CRACD: variants seen among roughly 807,000 people sequenced by gnomAD.
The protein encoded by CRACD is capping protein inhibiting regulator of actin dynamics.
A neutral mutation model predicts 106.8 loss-of-function variants in CRACD; 56 were observed. The observed-to-expected ratio is 0.52, with a 90% CI of 0.42 to 0.66. The LOEUF (loss-of-function observed/expected upper bound fraction) is 0.66. Ranked by LOEUF, CRACD falls within the 30% of genes least tolerant of loss-of-function variation. The probability of loss-of-function intolerance (pLI) is 0.00; values close to 1 mark genes in which losing one functional copy is unlikely to be tolerated. For synonymous variants in CRACD, 754 were observed against 670.8 expected, an observed-to-expected ratio of 1.12 and a Z score of -1.92; for missense variants, 1,730 against 1,623.2, an observed-to-expected ratio of 1.07 and a Z score of -1.13.
intron 1 of CRACD, among the ~76,000 whole-genome samples, chr4:56,146,964 T>C (rs1394839527): frequency 1.3e-5 from 2 of 151,634 alleles, no homozygotes; most frequent in African/African-American, 2.4e-5. Context: ...AGCGAAGGGG[T>C]TTAAGAAAGA....
At chr4:56,187,071 A>G (rs796219820) in intron 2 of CRACD, among the ~76,000 whole-genome samples, 3 of 146,284 alleles carry the variant, frequency 2.1e-5, no homozygotes, top group African/African-American at 7.5e-5. Flanking sequence ...CCTATCCAAG[A>G]AAAAAAAAAA....
chr4:56,201,450 T>G (rs1737875297), intron 2 of CRACD, among the ~76,000 whole-genome samples: 1 of 152,178 alleles, frequency 6.6e-6, no homozygotes, highest in Admixed American at 6.5e-5. Flanking sequence ...GCTCTTCCCT[T>G]AAACTGAGGG....
chr4:56,291,023 T>C (rs1743674046), intron 3 of CRACD, among the ~76,000 whole-genome samples: 1 of 152,236 alleles, frequency 6.6e-6, no homozygotes, highest in Non-Finnish European at 1.5e-5. Flanking sequence ...TAAATGACTA[T>C]ATTGACAATC....
At chr4:56,149,631 G>A (rs1340800399) in intron 1 of CRACD, among the ~76,000 whole-genome samples, 2 of 152,178 alleles carry the variant, frequency 1.3e-5, no homozygotes, top group East Asian at 3.8e-4. Flanking sequence ...AATTAAAAGC[G>A]ATGATTTTTG....
chr4:56,279,885 A>C (rs1433810861), intron 3 of CRACD, among the ~76,000 whole-genome samples: 1 of 152,156 alleles, frequency 6.6e-6, no homozygotes, highest in Non-Finnish European at 1.5e-5. Flanking sequence ...AAAGACTTGG[A>C]ACCAAGCCAA....
chr4:56,071,494 T>C (rs942431907), intron 1 of CRACD, among the ~76,000 whole-genome samples: 2 of 150,406 alleles, frequency 1.3e-5, no homozygotes, highest in Non-Finnish European at 3.0e-5. Context: ...ACAGGTTGTA[T>C]TTCTTTCTTT....
chr4:56,310,798 C>CCTTTTTTTTT (rs1553919758), intron 6 of CRACD, 64 bp downstream of exon 6: 1 of 753,820 alleles, frequency 1.3e-6, no homozygotes, highest in Non-Finnish European at 2.0e-6. Context: ...TTCCCCCCCC[C>CCTTTTTTTTT]TTTTTTTTTT....
At chr4:56,269,988 G>A (rs1016474523) in intron 2 of CRACD, among the ~76,000 whole-genome samples, 9 of 152,172 alleles carry the variant, frequency 5.9e-5, no homozygotes, top group Admixed American at 2.0e-4. Flanking sequence ...AGCACAATGC[G>A]TATGTATAGC....
Position 56,192,307 on chromosome 4 carries a change from G to T in CRACD, c.-189+12877G>T, listed in dbSNP as rs577349510. Among the ~76,000 whole-genome samples the T allele has an allele frequency of 3.9e-5, 6 of 152,068 alleles. No individual in the cohort carries two copies. In the East Asian group the frequency reaches 1.2e-3, roughly 29 times the overall value. ...CTAGAGAGGCTGAGGTGGAAGAGTT[G>T]TTTGGACCCGGGAGGCAGAAGTTGC... On this transcript the variant is annotated intron_variant, in intron 2 of 10. Transcript: ENST00000682029.
chr4:56,161,455 A>T (rs1408376953), intron 1 of CRACD, among the ~76,000 whole-genome samples: 3 of 150,118 alleles, frequency 2.0e-5, no homozygotes, highest in Non-Finnish European at 1.5e-5. Context: ...TAAACTCTTA[A>T]TTTTTTTTTT....
At chr4:56,214,405 C>T (rs924335615) in intron 2 of CRACD, among the ~76,000 whole-genome samples, 10 of 151,570 alleles carry the variant, frequency 6.6e-5, no homozygotes, top group East Asian at 5.9e-4. Flanking sequence ...CCATCCTGGC[C>T]AACATGGTGA....
At chr4:56,158,238 T>C (rs983580736) in intron 1 of CRACD, among the ~76,000 whole-genome samples, 5 of 152,238 alleles carry the variant, frequency 3.3e-5, no homozygotes, top group Non-Finnish European at 7.3e-5. Flanking sequence ...CCTGTGGTTC[T>C]GATGTATATA....
intron 2 of CRACD, among the ~76,000 whole-genome samples, chr4:56,210,401 C>G (rs1048540324): frequency 6.6e-6 from 1 of 152,130 alleles, no homozygotes; most frequent in African/African-American, 2.4e-5. Context: ...ATAACAGACA[C>G]ATAGACAGAA....
At chr4:56,306,093 A>AC (rs1744674913) in intron 4 of CRACD, among the ~76,000 whole-genome samples, 1 of 152,024 alleles carries the variant, frequency 6.6e-6, no homozygotes, top group South Asian at 2.1e-4. Flanking sequence ...TGGGCCAGTC[A>AC]CCTCTCTCCA....
intron 1 of CRACD, among the ~76,000 whole-genome samples, chr4:56,113,897 T>G (rs996211674): frequency 2.0e-5 from 3 of 152,142 alleles, no homozygotes; most frequent in Non-Finnish European, 2.9e-5. Flanking sequence ...AGCTTTCTTG[T>G]ATACATAAAA....
At chr4:56,188,686 T>TCTCTCTCACA (rs1553908658) in intron 2 of CRACD, among the ~76,000 whole-genome samples, 20 of 92,204 alleles carry the variant, frequency 2.2e-4, no homozygotes, top group African/African-American at 9.3e-4. Context: ...TCTCTCTCTC[T>TCTCTCTCACA]CACACACACA....
At chr4:56,125,983 G>T (rs1014208681) in intron 1 of CRACD, among the ~76,000 whole-genome samples, 5 of 151,748 alleles carry the variant, frequency 3.3e-5, no homozygotes, top group Non-Finnish European at 1.5e-5. Flanking sequence ...TCTTGGCCAG[G>T]CTGGTCTCGA....
At chr4:56,093,553 C>T (rs935305420) in intron 1 of CRACD, among the ~76,000 whole-genome samples, 1 of 152,306 alleles carries the variant, frequency 6.6e-6, no homozygotes, top group South Asian at 2.1e-4. Context: ...CACCCAGCTA[C>T]CTTCCCTTCT....
intron 2 of CRACD, among the ~76,000 whole-genome samples, chr4:56,232,448 A>G (rs1366258815): frequency 6.6e-6 from 1 of 152,076 alleles, no homozygotes; most frequent in Admixed American, 6.6e-5. Context: ...TGAATATTCT[A>G]GATGTCTTTC....
Sources: allele counts gnomAD v4.1 joint callset (sites outside exome capture counted in the v4.1 genomes callset), GRCh38; gene constraint gnomAD v4.1.1; transcripts MANE v1.5; gene names NCBI Gene and HGNC (gene_info 2026-07-23, HGNC 2026-07-21).